The following TBC1D30 variants were observed in gnomAD, a reference collection of about 807,000 sequenced individuals.
The protein encoded by TBC1D30 is TBC1 domain family member 30.
A neutral mutation model predicts 63.2 loss-of-function variants in TBC1D30; 31 were observed. That is an observed-to-expected ratio of 0.49 (90% CI 0.37 to 0.66). The LOEUF is 0.66. Ranked by LOEUF, TBC1D30 falls within the 30% of genes least tolerant of loss-of-function variation. The pLI is 0.00. For missense variants in TBC1D30, 810 were observed against 953.6 expected (o/e 0.85, Z 1.98); for synonymous variants, 307 against 361.5 (o/e 0.85, Z 1.71).
chr12:64,848,259 C>A (rs1174589038), intron 8 of TBC1D30, among the ~76,000 whole-genome samples: 1 of 151,798 alleles, frequency 6.6e-6, no homozygotes, highest in Admixed American at 6.6e-5. Context: ...CCTTCATTTT[C>A]AGTCTATGTG....
chr12:64,845,299 T>C lies in TBC1D30; in HGVS notation c.1038+1814T>C, dbSNP rs1301807076. 2.6e-5 allele frequency among the ~76,000 whole-genome samples: 4 copies of C among 152,230 alleles called. No homozygotes were observed. The East Asian group carries it at 7.7e-4, about 29-fold the overall frequency. ...AGCATTTGTTACTGCCTGTCTTGAT[T>C]AAAAGCCATTTTAACTGGGTGAGAT... On this transcript the variant is annotated intron_variant, in intron 8 of 11. Coordinates refer to ENST00000539867, the MANE Select transcript of TBC1D30 (RefSeq NM_015279.2).
At position 64,866,765 on chromosome 12, in the gene TBC1D30, C is replaced by T. The variant is rs537127625; in HGVS notation, c.1153C>T (p.Arg385Ter). The T allele has an allele frequency of 8.5e-6, 13 of 1,534,146 alleles. No individual in the cohort carries two copies. The highest frequency in any genetic ancestry group is 2.7e-5 in the African/African-American group (2 of 72,828). ...ATVKPTSVSG[R>*]HSKARDSDEE... The stretch of plus-strand genomic sequence containing the variant: ...TTTTTGTCTTTTATGTTTTCCAAGA[C>T]GACATAGTAAGGCCAGAGACAGTGA... The change falls in exon 10 of 12, where the codon CGA becomes TGA. Residue 385 changes from arginine to a stop codon, truncating the protein, a stop_gained and splice_region_variant. Coordinates refer to ENST00000539867, the MANE Select transcript of TBC1D30 (RefSeq NM_015279.2). LOFTEE classifies it high-confidence loss of function.
chr12:64,776,842 T>G (rs1388753984), upstream of TBC1D30, among the ~76,000 whole-genome samples: 1 of 152,152 alleles, frequency 6.6e-6, no homozygotes, highest in Non-Finnish European at 1.5e-5. Context: ...TGGTGAACAT[T>G]GATGCAAAAA....
At position 64,836,538 on chromosome 12, in the gene TBC1D30, A is replaced by G; in HGVS notation, c.643A>G (p.Asn215Asp). The stretch of plus-strand genomic sequence containing the variant: ...GGTACTTCCCGAAAGCTATTTCGTC[A>G]ATAATCTCCGGGCATTGTCTGTGGA... ...DKVLPESYFV[N>D]NLRALSVDMA... The change falls in exon 6 of 12, where the codon AAT becomes GAT. Residue 215 changes from asparagine to aspartate, a missense_variant. By Grantham distance (23) the Asn-to-Asp change is conservative. Around this residue, in one of 4 missense-constraint regions of TBC1D30, gnomAD observed 272 missense variants for 335.9 expected, o/e 0.81. Transcript: ENST00000539867. 1 of 1,535,978 alleles carries G rather than the reference A, an allele frequency of 6.5e-7. No individual in the cohort carries two copies. The highest frequency in any genetic ancestry group is 8.7e-7 in the Non-Finnish European group (1 of 1,146,854).
intron 1 of TBC1D30, among the ~76,000 whole-genome samples, chr12:64,770,951 A>G (rs942414561): frequency 9.3e-5 from 14 of 150,428 alleles, no homozygotes; most frequent in African/African-American, 3.2e-4. Flanking sequence ...TGACCTCATG[A>G]TCTGCCCACC....
At chr12:64,793,153 C>T (rs1172789067) in intron 2 of TBC1D30, among the ~76,000 whole-genome samples, 2 of 151,932 alleles carry the variant, frequency 1.3e-5, no homozygotes, top group African/African-American at 4.8e-5. Context: ...CCAGCCTAGG[C>T]AACATAGTAA....
In TBC1D30 at chr12:64,856,801, C is replaced by T. The variant is rs112784639; in HGVS notation, c.1039-7867C>T. Among the ~76,000 whole-genome samples, 206 of 152,284 alleles carry T rather than the reference C, an allele frequency of 1.4e-3. 1 individual carries two copies. The highest frequency in any genetic ancestry group is 4.7e-3 in the African/African-American group (194 of 41,548). ...TACTGCAGCTAAGCTGACACTGAAA[C>T]TACAATACAAAGTTCTTCCTGCTCT... On this transcript the variant is annotated intron_variant, in intron 8 of 11. Transcript: ENST00000539867.
rs965004627 is a variant in TBC1D30, at chr12:64,826,659, A to G, written c.155-1176A>G. On this transcript the variant is annotated intron_variant, in intron 1 of 11. Coordinates refer to ENST00000539867, the MANE Select transcript of TBC1D30 (RefSeq NM_015279.2). ...TCAGAGAGAGGCGGATCCATGTGGT[A>G]CTTAATATTCCTTCGGAGAAAAAAA... 2.6e-5 allele frequency among the ~76,000 whole-genome samples: 4 copies of G among 152,230 alleles called. No homozygotes were observed. The East Asian group carries it at 7.7e-4, about 29-fold the overall frequency.
intron 2 of TBC1D30, among the ~76,000 whole-genome samples, chr12:64,798,130 A>G (rs1398123020): frequency 6.6e-6 from 1 of 152,220 alleles, no homozygotes; most frequent in African/African-American, 2.4e-5. Context: ...TATATATGTA[A>G]TTGTTTATAA....
chr12:64,784,167 T>C (rs1338619891), intron 1 of TBC1D30, among the ~76,000 whole-genome samples: 16 of 152,102 alleles, frequency 1.1e-4, no homozygotes, highest in Non-Finnish European at 2.4e-4. Context: ...GGTAATTCCT[T>C]ATTTTTACTT....
upstream of TBC1D30, among the ~76,000 whole-genome samples, chr12:64,820,962 T>C: frequency 1.3e-5 from 2 of 152,376 alleles, 1 homozygote. Context: ...TTAAATTTTA[T>C]TTTAAAAACA....
At chr12:64,867,206 T>C (rs1592658905) in intron 10 of TBC1D30, among the ~76,000 whole-genome samples, 2 of 151,972 alleles carry the variant, frequency 1.3e-5, no homozygotes, top group Non-Finnish European at 2.9e-5. Context: ...TGGCTCACGC[T>C]TGTAATCCCA....
At chr12:64,781,013 G>A (rs1871246743) in exon 1 of TBC1D30, 2 of 1,034,828 alleles carry the variant, frequency 1.9e-6, no homozygotes, top group African/African-American at 1.7e-5. Context: ...GGAGCCCGGC[G>A]AGGCGTGCGG....
chr12:64,872,679 G>A (rs10160845), intron 11 of TBC1D30, among the ~76,000 whole-genome samples: 6,511 of 152,242 alleles, frequency 0.043, 456 homozygotes, highest in African/African-American at 0.15. Flanking sequence ...GTATTAGTCT[G>A]TTTTCACACT....
intron 2 of TBC1D30, among the ~76,000 whole-genome samples, chr12:64,798,370 A>G (rs1426731473): frequency 1.3e-5 from 2 of 152,226 alleles, no homozygotes; most frequent in Non-Finnish European, 2.9e-5. Flanking sequence ...CCATCTTTCC[A>G]ATATAATCAG....
Position 64,875,029 on chromosome 12 carries a change from G to A in TBC1D30, c.1527G>A (p.Pro509=), listed in dbSNP as rs557381275. The A allele has an allele frequency of 2.3e-5, 36 of 1,536,638 alleles. No homozygotes were observed. The highest frequency in any genetic ancestry group is 1.7e-4 in the Middle Eastern group (1 of 5,996). ...AAGGGCCAGTGACCAGCATTCTCCCGTCTCAGGTAAACAGTTCTCCAGTTA... is the reference window on the plus strand; with the variant it reads ...AAGGGCCAGTGACCAGCATTCTCCCATCTCAGGTAAACAGTTCTCCAGTTA... ...ADKGPVTSIL[P]SQVNSSPVIN... is the part of the protein sequence containing the mutation. The change falls in exon 12 of 12, where the codon CCG becomes CCA. Residue 509 remains proline, a synonymous_variant. Coordinates refer to ENST00000539867, the MANE Select transcript of TBC1D30 (RefSeq NM_015279.2).
chr12:64,774,300 C>T (rs969991131), intron 1 of TBC1D30, among the ~76,000 whole-genome samples: 1 of 152,160 alleles, frequency 6.6e-6, no homozygotes, highest in African/African-American at 2.4e-5. Flanking sequence ...TGTAAAGAGA[C>T]TGAATCTTTG....
chr12:64,795,496 ACTT>A (rs1289491033), intron 2 of TBC1D30, among the ~76,000 whole-genome samples: 1 of 152,118 alleles, frequency 6.6e-6, no homozygotes, highest in South Asian at 2.1e-4. Flanking sequence ...GGATCCAACT[ACTT>A]CTCAACAGCC....
chr12:64,778,129 C>G (rs929565835), upstream of TBC1D30, among the ~76,000 whole-genome samples: 11 of 152,154 alleles, frequency 7.2e-5, no homozygotes, highest in African/African-American at 2.7e-4. Context: ...TTCCTGGTGG[C>G]AGTAGTGTAG....
Sources: allele counts gnomAD v4.1 joint callset (sites outside exome capture counted in the v4.1 genomes callset), GRCh38; gene constraint gnomAD v4.1.1; regional missense constraint gnomAD v4.1.1; transcripts MANE v1.5; gene names NCBI Gene and HGNC (gene_info 2026-07-23, HGNC 2026-07-21).